The following CPEB1 variants were observed in gnomAD, a reference collection of about 807,000 sequenced individuals.
CPEB1 encodes the protein cytoplasmic polyadenylation element-binding protein 1.
CPEB1 carries 7 observed loss-of-function variants against 65.8 expected under a neutral mutation model. The ratio of observed to expected loss-of-function variants is 0.11; its 90% CI spans 0.06 to 0.20. The LOEUF (loss-of-function observed/expected upper bound fraction) is 0.20, where lower values mean the gene tolerates loss of function less well. CPEB1 is among the 10% of genes least tolerant of loss of function. The probability of loss-of-function intolerance (pLI) is 1.00; values close to 1 mark genes in which losing one functional copy is unlikely to be tolerated. For synonymous variants in CPEB1, 262 were observed against 260.0 expected, an observed-to-expected ratio of 1.01 and a Z score of -0.08; for missense variants, 551 against 712.2, an observed-to-expected ratio of 0.77 and a Z score of 2.58.
Position 82,571,214 on chromosome 15 carries a change from A to G in CPEB1, c.460+130T>C, listed in dbSNP as rs1284472277. ...CTTGCATTTCCATCTCTTGCAAAAC[A>G]GCTCCATGTTGTATGTGTGTATGGT... On this transcript the variant is annotated intron_variant, in intron 4 of 12. Transcript: ENST00000684509. 5.7e-6 allele frequency: 7 copies of G among 1,217,454 alleles called. No homozygotes were observed. The African/African-American group carries it at 9.2e-5, about 16-fold the overall frequency. 75.4% of individuals were successfully genotyped at this position (1,217,454 alleles called of 1,614,324 possible). A position where few individuals can be genotyped will look rare whatever the true frequency, so the allele number is the denominator to read the frequency against.
At chr15:82,624,130 CT>C (rs1442724224) in intron 3 of CPEB1, among the ~76,000 whole-genome samples, 1 of 152,110 alleles carries the variant, frequency 6.6e-6, no homozygotes, top group East Asian at 1.9e-4. Context: ...GGTATTTTTG[CT>C]GGTGACCACA....
chr15:82,635,913 A>G (rs907999757), intron 1 of CPEB1, among the ~76,000 whole-genome samples: 1 of 152,194 alleles, frequency 6.6e-6, no homozygotes, highest in Admixed American at 6.5e-5. Flanking sequence ...TAAATTCAAG[A>G]AAACAAAGTA....
rs200960776 is a variant in CPEB1, at chr15:82,552,469, C to T, written c.1281+11G>A. 6.8e-5 allele frequency: 105 copies of T among 1,553,396 alleles called. No individual in the cohort carries two copies. Among genetic ancestry groups the T allele is most frequent in the African/African-American group, 6.1e-4 (44 of 72,314 alleles). ...GACCCTCGATCCAGAAAGGACATCA[C>T]GCTAACTCACCTCCTTGCAGCGCAT... On this transcript the variant is annotated intron_variant, in intron 9 of 12. Coordinates refer to ENST00000684509, the MANE Select transcript of CPEB1 (RefSeq NM_001365242.1).
rs2042481570 is a variant in CPEB1 at position 82,594,094 on chromosome 15, TA to T, written c.272-22563del. Among the ~76,000 whole-genome samples, 7 of 152,336 alleles carry T rather than the reference TA, an allele frequency of 4.6e-5. No homozygotes were observed. In the South Asian group the frequency reaches 1.4e-3, roughly 32 times the overall value. ...TAAAGTTACCAGTTTCATTAGCCTG[TA>T]ACAAGAGAATCAGCCTGTTCTTCAA... On this transcript the variant is annotated intron_variant, in intron 3 of 12. Transcript: ENST00000684509.
At chr15:82,593,775 C>T (rs2042451520) in intron 3 of CPEB1, among the ~76,000 whole-genome samples, 1 of 152,206 alleles carries the variant, frequency 6.6e-6, no homozygotes, top group African/African-American at 2.4e-5. Context: ...CCATAGGCTG[C>T]AAAACTGATC....
At chr15:82,630,788 A>C (rs1023607473) in intron 1 of CPEB1, among the ~76,000 whole-genome samples, 1 of 152,194 alleles carries the variant, frequency 6.6e-6, no homozygotes, top group Non-Finnish European at 1.5e-5. Flanking sequence ...AGGCATTATC[A>C]AAAGTGGTCC....
intron 1 of CPEB1, among the ~76,000 whole-genome samples, chr15:82,644,021 G>A (rs1401262783): frequency 6.6e-6 from 1 of 152,144 alleles, no homozygotes; most frequent in African/African-American, 2.4e-5. Context: ...TGAAAAAAAG[G>A]AGCCTTTTGT....
intron 3 of CPEB1, among the ~76,000 whole-genome samples, chr15:82,622,093 C>T (rs1441574077): frequency 1.3e-5 from 2 of 152,150 alleles, no homozygotes; most frequent in Non-Finnish European, 2.9e-5. Flanking sequence ...TGTCCATTTG[C>T]AGCCCATTTT....
At chr15:82,584,871 G>T in intron 3 of CPEB1, among the ~76,000 whole-genome samples, 3 of 118,800 alleles carry the variant, frequency 2.5e-5, no homozygotes, top group Non-Finnish European at 3.3e-5. Flanking sequence ...TTTCTCAGTA[G>T]TAAGATGACA....
At chr15:82,625,906 G>A (rs1354077486) in intron 3 of CPEB1, among the ~76,000 whole-genome samples, 2 of 150,690 alleles carry the variant, frequency 1.3e-5, no homozygotes, top group East Asian at 2.0e-4. Flanking sequence ...ATCACCTGAC[G>A]TCAGGAGTTT....
chr15:82,566,925 A>G (rs979886134), intron 4 of CPEB1, among the ~76,000 whole-genome samples: 1 of 152,106 alleles, frequency 6.6e-6, no homozygotes, highest in African/African-American at 2.4e-5. Flanking sequence ...CTGTCCATCC[A>G]GCTAAATCAA....
intron 4 of CPEB1, among the ~76,000 whole-genome samples, chr15:82,564,272 G>T (rs1012732737): frequency 3.3e-5 from 5 of 149,412 alleles, no homozygotes; most frequent in South Asian, 2.1e-4. Context: ...GGACACAATG[G>T]TTTTTTTTGT....
chr15:82,562,016 CA>C (rs1284105284), intron 4 of CPEB1, among the ~76,000 whole-genome samples: 2 of 152,136 alleles, frequency 1.3e-5, no homozygotes, highest in Admixed American at 6.5e-5. Context: ...CAGTCTTCAC[CA>C]AATCCTAAGA....
chr15:82,594,837 T>C (rs908912896), intron 3 of CPEB1, among the ~76,000 whole-genome samples: 3 of 127,726 alleles, frequency 2.3e-5, no homozygotes, highest in South Asian at 2.6e-4. Context: ...AATTTTGTTG[T>C]GTGTCAGGAA....
chr15:82,554,022 G>A, intron 6 of CPEB1, 31 bp from the exon 7 acceptor site: 1 of 1,376,216 alleles, frequency 7.3e-7, no homozygotes, highest in Non-Finnish European at 1.0e-6. Flanking sequence ...ATAAACAGGG[G>A]AGGTTAGAGA....
chr15:82,596,721 TC>T (rs2042695427), intron 3 of CPEB1, among the ~76,000 whole-genome samples: 1 of 148,652 alleles, frequency 6.7e-6, no homozygotes, highest in African/African-American at 2.5e-5. Flanking sequence ...AAAAAAAAGT[TC>T]ATTACAGTAT....
intron 3 of CPEB1, among the ~76,000 whole-genome samples, chr15:82,613,885 T>C (rs566384311): frequency 1.3e-5 from 2 of 150,820 alleles, no homozygotes; most frequent in East Asian, 3.9e-4. Context: ...AATGCCCCCC[T>C]GGGACAGCCC....
intron 3 of CPEB1, chr15:82,573,114 G>T: frequency 6.5e-7 from 1 of 1,535,528 alleles, no homozygotes; most frequent in Non-Finnish European, 8.7e-7. Context: ...CCCATGGCAG[G>T]GTCGAGAGAA....
chr15:82,551,390 AT>A (rs1402669303), intron 9 of CPEB1, among the ~76,000 whole-genome samples: 1 of 152,026 alleles, frequency 6.6e-6, no homozygotes, highest in Non-Finnish European at 1.5e-5. Flanking sequence ...AGAGTGGAAC[AT>A]TTTTTTATAC....
Sources: allele counts gnomAD v4.1 joint callset (sites outside exome capture counted in the v4.1 genomes callset), GRCh38; gene constraint gnomAD v4.1.1; transcripts MANE v1.5; gene names NCBI Gene and HGNC (gene_info 2026-07-23, HGNC 2026-07-21).